The following GNAL variants were observed in gnomAD, a reference collection of about 807,000 sequenced individuals.
GNAL encodes guanine nucleotide-binding protein G(olf) subunit alpha.
In GNAL, 18 loss-of-function variants were observed where a neutral mutation model predicts 55.1. The ratio of observed to expected loss-of-function variants is 0.33; its 90% confidence interval spans 0.23 to 0.48. GNAL has a LOEUF of 0.48. GNAL is among the 20% of genes least tolerant of loss of function. The probability of loss-of-function intolerance (pLI) is 0.99; values close to 1 mark genes in which losing one functional copy is unlikely to be tolerated. For synonymous variants in GNAL, 253 were observed against 237.0 expected (o/e 1.07, Z -0.62); for missense variants, 412 against 614.1 (o/e 0.67, Z 3.48).
At position 11,881,172 on chromosome 18, in the gene GNAL, G is replaced by T. The variant is rs771059939; in HGVS notation, c.*37G>T. The T allele has an allele frequency of 1.1e-4, 177 of 1,564,172 alleles. 1 individual carries two copies. Among genetic ancestry groups the T allele is most frequent in the Non-Finnish European group, 1.0e-4 (120 of 1,150,772 alleles). Reference sequence around the variant, plus strand: ...CCACCCTGCGACGGAGCGGCGCCCCGGACTGCCTGACTGCCAGCCCCATGC... The same window carrying T: ...CCACCCTGCGACGGAGCGGCGCCCCTGACTGCCTGACTGCCAGCCCCATGC... On this transcript the variant is annotated 3_prime_UTR_variant, in exon 12 of 12. Coordinates refer to ENST00000334049, the MANE Select transcript of GNAL (RefSeq NM_182978.4). The surrounding 1 kb of genome is among the most constrained non-coding windows in gnomAD (Gnocchi z 4.8).
chr18:11,734,332 G>A (rs979109060), intron 1 of GNAL, among the ~76,000 whole-genome samples: 2 of 151,748 alleles, frequency 1.3e-5, no homozygotes, highest in Admixed American at 6.6e-5. Context: ...TAGTAGAGAC[G>A]GGGTTTCATC....
At chr18:11,859,698 T>A (rs2036087047) in intron 5 of GNAL, among the ~76,000 whole-genome samples, 1 of 151,636 alleles carries the variant, frequency 6.6e-6, no homozygotes, top group Non-Finnish European at 1.5e-5. Flanking sequence ...GGCCTCTCAA[T>A]AGCCCTGTCA....
At chr18:11,876,725 C>T in intron 11 of GNAL, 37 bp downstream of exon 11, 1 of 1,108,072 alleles carries the variant, frequency 9.0e-7, no homozygotes, top group South Asian at 1.2e-5. Context: ...TTCTACCTCC[C>T]TTCTTAATCT....
chr18:11,739,001 A>G (rs1002514337), intron 1 of GNAL, among the ~76,000 whole-genome samples: 1 of 152,136 alleles, frequency 6.6e-6, no homozygotes, highest in African/African-American at 2.4e-5. Flanking sequence ...CGATCAGTGC[A>G]TCACCGAAGT....
rs1555619442 is a variant in GNAL at position 11,884,509 on chromosome 18, A to G, written c.*3374A>G. 1 of 1,614,172 alleles carries G rather than the reference A, an allele frequency of 6.2e-7. No individual in the cohort carries two copies. The highest frequency in any genetic ancestry group is 1.1e-5 in the South Asian group (1 of 91,082). The stretch of plus-strand genomic sequence containing the variant: ...AAGAAAAGGTGAGGCTAGAAGCCCA[A>G]AGTGAGTGAGTGTGAGGACCACAAG... On this transcript the variant is annotated 3_prime_UTR_variant, in exon 12 of 12. Transcript: ENST00000334049.
At chr18:11,747,262 C>G in intron 1 of GNAL, 1 of 290,812 alleles carries the variant, frequency 3.4e-6, no homozygotes, top group Non-Finnish European at 6.9e-6. Flanking sequence ...CATTTGAGGA[C>G]TCCAGTCTGA....
At chr18:11,785,953 A>G (rs1366803360) in intron 4 of GNAL, among the ~76,000 whole-genome samples, 1 of 152,204 alleles carries the variant, frequency 6.6e-6, no homozygotes, top group Non-Finnish European at 1.5e-5. Flanking sequence ...GTGAAAGAAA[A>G]TGACTGTTCC....
chr18:11,692,292 A>G (rs925982017), intron 1 of GNAL, among the ~76,000 whole-genome samples: 1 of 152,254 alleles, frequency 6.6e-6, no homozygotes, highest in African/African-American at 2.4e-5. Flanking sequence ...TTAAAACAAC[A>G]TAAACCTAGC....
chr18:11,756,780 T>C (rs533202686), intron 4 of GNAL, among the ~76,000 whole-genome samples: 110 of 152,270 alleles, frequency 7.2e-4, no homozygotes, highest in African/African-American at 2.6e-3. Context: ...ATATGCTCCA[T>C]TGGAAAATTA....
chr18:11,814,223 T>A (rs2034895023), intron 4 of GNAL, among the ~76,000 whole-genome samples: 2 of 152,172 alleles, frequency 1.3e-5, no homozygotes, highest in African/African-American at 2.4e-5. Flanking sequence ...ACTTTGTTCA[T>A]CAGGCACAGA....
chr18:11,756,495 C>T (rs959965153), intron 4 of GNAL, among the ~76,000 whole-genome samples: 4 of 151,570 alleles, frequency 2.6e-5, no homozygotes, highest in African/African-American at 9.7e-5. Flanking sequence ...TGTCTATGCA[C>T]ATGTCAAATG....
intron 5 of GNAL, among the ~76,000 whole-genome samples, chr18:11,854,812 G>A (rs1373298468): frequency 6.6e-6 from 1 of 152,128 alleles, no homozygotes; most frequent in Admixed American, 6.6e-5. Context: ...TTCTGAGGTA[G>A]ATTTGGGTCA....
chr18:11,691,751 C>T (rs2031254287), intron 1 of GNAL, among the ~76,000 whole-genome samples: 1 of 152,072 alleles, frequency 6.6e-6, no homozygotes, highest in African/African-American at 2.4e-5. Flanking sequence ...TCTCAGGTTT[C>T]TCAAAGCACT....
chr18:11,769,038 AATATATAAT>A (rs1394513242), intron 4 of GNAL, among the ~76,000 whole-genome samples: 7 of 89,524 alleles, frequency 7.8e-5, no homozygotes, highest in Non-Finnish European at 1.5e-4. Context: ...TATTATATAT[AATATATAAT>A]ATATATAATA....
chr18:11,769,213 TG>T (rs1598441977), intron 4 of GNAL, among the ~76,000 whole-genome samples: 1 of 144,294 alleles, frequency 6.9e-6, no homozygotes, highest in African/African-American at 2.6e-5. Context: ...ATATATATAA[TG>T]TGTAATATAA....
intron 4 of GNAL, among the ~76,000 whole-genome samples, chr18:11,784,521 A>C (rs1173783408): frequency 1.3e-5 from 2 of 152,238 alleles, no homozygotes; most frequent in Admixed American, 6.5e-5. Context: ...CCTTTGCCCA[A>C]AAAGAGCCAC....
chr18:11,883,512 A>C lies in GNAL; in HGVS notation c.*2377A>C, dbSNP rs1023487158. On this transcript the variant is annotated 3_prime_UTR_variant, in exon 12 of 12. Coordinates refer to ENST00000334049, the MANE Select transcript of GNAL (RefSeq NM_182978.4). Reference sequence around the variant, plus strand: ...ATTATTAAAGCATTTATTTTCAGGTACCAAAAGCCATATCCCATTCCACTT... The same window carrying C: ...ATTATTAAAGCATTTATTTTCAGGTCCCAAAAGCCATATCCCATTCCACTT... The C allele has an allele frequency of 7.8e-5, 12 of 153,674 alleles. No homozygotes were observed. Among genetic ancestry groups the C allele is most frequent in the African/African-American group, 2.9e-4 (12 of 41,466 alleles). The allele number at this position is 153,674 out of a possible 1,614,324, so 9.5% of individuals were successfully genotyped here.
intron 11 of GNAL, 34 bp downstream of exon 11, chr18:11,876,722 T>C (rs901501380): frequency 6.0e-6 from 7 of 1,159,414 alleles, no homozygotes; most frequent in Non-Finnish European, 9.2e-6. Context: ...TTTTTCTACC[T>C]CCCTTCTTAA....
intron 4 of GNAL, among the ~76,000 whole-genome samples, chr18:11,768,485 C>G (rs545218763): frequency 4.1e-4 from 62 of 152,086 alleles, no homozygotes; most frequent in African/African-American, 1.4e-3. Flanking sequence ...CCTGTAATCC[C>G]AGCTACTCAG....
Sources: allele counts gnomAD v4.1 joint callset (sites outside exome capture counted in the v4.1 genomes callset), GRCh38; gene constraint gnomAD v4.1.1; non-coding constraint Gnocchi (gnomAD v3.1); transcripts MANE v1.5; gene names NCBI Gene and HGNC (gene_info 2026-07-23, HGNC 2026-07-21).